The following PTDSS1 variants were observed in gnomAD, a reference collection of about 807,000 sequenced individuals.
PTDSS1 encodes the protein phosphatidylserine synthase 1.
A neutral mutation model predicts 70.5 loss-of-function variants in PTDSS1; 45 were observed. That is an observed-to-expected ratio of 0.64 (90% CI 0.50 to 0.82). The LOEUF is 0.82. PTDSS1 is among the 40% of genes least tolerant of loss of function. The probability of loss-of-function intolerance (pLI) is 0.00; values close to 1 mark genes in which losing one functional copy is unlikely to be tolerated. For missense variants in PTDSS1, 417 were observed against 586.1 expected (o/e 0.71, Z 2.98); for synonymous variants, 188 against 203.8 (o/e 0.92, Z 0.66).
chr8:96,294,668 TA>T lies in PTDSS1; in HGVS notation c.442-422del, dbSNP rs1193540056. Among the ~76,000 whole-genome samples the T allele has an allele frequency of 2.6e-5, 4 of 152,036 alleles. No homozygotes were observed. In the South Asian group the frequency reaches 8.3e-4, roughly 32 times the overall value. ...TATTTTCGTTATCATTATGACACGT[TA>T]AAAAAAATTCCTATTATGATTTCTT... On this transcript the variant is annotated intron_variant, in intron 4 of 12. Coordinates refer to ENST00000517309, the MANE Select transcript of PTDSS1 (RefSeq NM_014754.3).
At chr8:96,277,288 T>G (rs1810662425) in intron 2 of PTDSS1, among the ~76,000 whole-genome samples, 1 of 152,244 alleles carries the variant, frequency 6.6e-6, no homozygotes, top group African/African-American at 2.4e-5. Flanking sequence ...TATTTTCAAA[T>G]TAGGGATGGC....
In PTDSS1 at chr8:96,330,421, C is replaced by T. The variant is rs963462005; in HGVS notation, c.1242+140C>T. 35 of 770,274 alleles carry T rather than the reference C, an allele frequency of 4.5e-5. No individual in the cohort carries two copies. In the African/African-American group the frequency reaches 4.7e-4, roughly 10 times the overall value. 47.7% of individuals were successfully genotyped at this position (770,274 alleles called of 1,614,324 possible). On this transcript the variant is annotated intron_variant, in intron 11 of 12. Transcript: ENST00000517309. The stretch of plus-strand genomic sequence containing the variant: ...CCTCCAGTCCTGCCACTGCAGAAAC[C>T]GCATGTCACAACTCATTCCCTAGCC...
chr8:96,336,490 A>G lies in PTDSS1; in HGVS notation c.*2924A>G, dbSNP rs534198133. On this transcript the variant is annotated 3_prime_UTR_variant, in exon 13 of 13. Transcript: ENST00000517309. ...AGAAAAAATGTAACCATTGGCAGCC[A>G]GACTGAAGCTAGCCCTTTAAAATAC... The G allele has an allele frequency of 1.3e-5, 2 of 152,206 alleles. No individual in the cohort carries two copies. The highest frequency in any genetic ancestry group is 4.8e-5 in the African/African-American group (2 of 41,410). 9.4% of individuals were successfully genotyped at this position (152,206 alleles called of 1,614,324 possible). A position where few individuals can be genotyped will look rare whatever the true frequency, so the allele number is the denominator to read the frequency against.
intron 2 of PTDSS1, among the ~76,000 whole-genome samples, chr8:96,282,588 C>G (rs188151628): frequency 6.6e-6 from 1 of 152,128 alleles, no homozygotes; most frequent in African/African-American, 2.4e-5. Flanking sequence ...ACTCACCATC[C>G]GAACTGCCAC....
intron 4 of PTDSS1, among the ~76,000 whole-genome samples, chr8:96,287,706 C>A (rs73271854): frequency 0.09 from 13,557 of 150,134 alleles, 1,939 homozygotes; most frequent in African/African-American, 0.3. Flanking sequence ...GGCCAGTAGT[C>A]ATGAATTAGT....
Position 96,295,152 on chromosome 8 carries a change from G to A in PTDSS1, c.496G>A (p.Asp166Asn). Residue 166 changes from aspartate to asparagine, a missense_variant, in exon 5 of 13, where the codon GAT becomes AAT. Asp to Asn is a conservative substitution (Grantham distance 23). Coordinates refer to ENST00000517309, the MANE Select transcript of PTDSS1 (RefSeq NM_014754.3). ...ITWERIISHF[D>N]IFAFGHFWGW... is the part of the protein sequence containing the mutation. ...CTGGGAGAGGATTATCAGCCACTTT[G>A]ATATTTTTGCATTTGGACATTTCTG... 2 of 1,614,138 alleles carry A rather than the reference G, an allele frequency of 1.2e-6. No individual in the cohort carries two copies. The highest frequency in any genetic ancestry group is 1.7e-6 in the Non-Finnish European group (2 of 1,179,996).
intron 1 of PTDSS1, among the ~76,000 whole-genome samples, chr8:96,272,406 A>C (rs1291693335): frequency 6.6e-6 from 1 of 152,184 alleles, no homozygotes; most frequent in East Asian, 1.9e-4. Flanking sequence ...AACAGTTGTT[A>C]ATTTCAGCTT....
chr8:96,311,178 G>C (rs572659379), intron 9 of PTDSS1, among the ~76,000 whole-genome samples: 71 of 152,288 alleles, frequency 4.7e-4, no homozygotes, highest in Non-Finnish European at 9.0e-4. Context: ...CAAGTAAGTT[G>C]TTTTTCTACT....
At chr8:96,316,180 C>A (rs895750916) in intron 9 of PTDSS1, among the ~76,000 whole-genome samples, 1 of 152,166 alleles carries the variant, frequency 6.6e-6, no homozygotes, top group Non-Finnish European at 1.5e-5. Context: ...CAGCCCTGAC[C>A]CGGGTCCCCA....
At chr8:96,294,525 A>G (rs549298361) in intron 4 of PTDSS1, among the ~76,000 whole-genome samples, 2 of 152,292 alleles carry the variant, frequency 1.3e-5, no homozygotes, top group Non-Finnish European at 2.9e-5. Flanking sequence ...AGTATCCGAT[A>G]TATTTTTGGG....
chr8:96,309,732 C>A, intron 9 of PTDSS1, 110 bp downstream of exon 9: 1 of 920,634 alleles, frequency 1.1e-6, no homozygotes, highest in Non-Finnish European at 1.7e-6. Context: ...TCTATGAAGA[C>A]AGGTGGACTA....
chr8:96,302,139 C>T (rs570056709), intron 6 of PTDSS1, among the ~76,000 whole-genome samples: 1 of 152,144 alleles, frequency 6.6e-6, no homozygotes, highest in South Asian at 2.1e-4. Context: ...CTGCATCAGC[C>T]TCCCCAGTGC....
intron 2 of PTDSS1, among the ~76,000 whole-genome samples, chr8:96,275,985 A>G (rs999378942): frequency 6.6e-6 from 1 of 152,204 alleles, no homozygotes; most frequent in African/African-American, 2.4e-5. Flanking sequence ...TCCTCAGGAA[A>G]CTGATCAGTG....
chr8:96,328,797 C>T (rs963173292), intron 10 of PTDSS1, among the ~76,000 whole-genome samples: 19 of 152,234 alleles, frequency 1.2e-4, no homozygotes, highest in Admixed American at 2.0e-4. Flanking sequence ...CAGCCCCTGC[C>T]TTCCCGCCCT....
rs559585659 is a variant in PTDSS1, at chr8:96,333,770, G to C, written c.*204G>C. The C allele has an allele frequency of 1.4e-6, 1 of 705,758 alleles. No homozygotes were observed. Among genetic ancestry groups the C allele is most frequent in the East Asian group, 2.7e-5 (1 of 37,246 alleles). 43.7% of individuals were successfully genotyped at this position (705,758 alleles called of 1,614,324 possible). A position where few individuals can be genotyped will look rare whatever the true frequency, so the allele number is the denominator to read the frequency against. On this transcript the variant is annotated 3_prime_UTR_variant, in exon 13 of 13. Transcript: ENST00000517309. ...GCAGATCATCGCCTGGGGGGCCTTT[G>C]CCAACGTGGGGTCTCTTCTAACTTC...
chr8:96,333,736 C>T lies in PTDSS1; in HGVS notation c.*170C>T. 1 of 745,364 alleles carries T rather than the reference C, an allele frequency of 1.3e-6. No homozygotes were observed. The highest frequency in any genetic ancestry group is 2.4e-6 in the Non-Finnish European group (1 of 422,360). The allele number at this position is 745,364 out of a possible 1,614,324, so 46.2% of individuals were successfully genotyped here. On this transcript the variant is annotated 3_prime_UTR_variant, in exon 13 of 13. Coordinates refer to ENST00000517309, the MANE Select transcript of PTDSS1 (RefSeq NM_014754.3). Reference sequence around the variant, plus strand: ...TAAGTCTTGTTTCCCACAGACCTGGCCGCGTCAGGCAGATCATCGCCTGGG... The same window carrying T: ...TAAGTCTTGTTTCCCACAGACCTGGTCGCGTCAGGCAGATCATCGCCTGGG...
intron 9 of PTDSS1, among the ~76,000 whole-genome samples, chr8:96,318,117 G>A (rs1811322021): frequency 6.6e-6 from 1 of 151,884 alleles, no homozygotes; most frequent in South Asian, 2.1e-4. Context: ...TTGAGATGAG[G>A]AGTTGGTGAC....
chr8:96,330,357 G>A (rs1563587681), intron 11 of PTDSS1, 76 bp downstream of exon 11: 2 of 1,385,004 alleles, frequency 1.4e-6, no homozygotes. Flanking sequence ...CAGAGCACGT[G>A]CCTGTAAGGA....
At chr8:96,301,763 G>T (rs949004307) in intron 6 of PTDSS1, among the ~76,000 whole-genome samples, 1 of 151,598 alleles carries the variant, frequency 6.6e-6, no homozygotes, top group Non-Finnish European at 1.5e-5. Flanking sequence ...TGATCCGCCC[G>T]CCTCAGCCTC....
Sources: allele counts gnomAD v4.1 joint callset (sites outside exome capture counted in the v4.1 genomes callset), GRCh38; gene constraint gnomAD v4.1.1; transcripts MANE v1.5; gene names NCBI Gene and HGNC (gene_info 2026-07-23, HGNC 2026-07-21).